The following KLHL3 variants were observed in gnomAD, a reference collection of about 807,000 sequenced individuals.
The protein encoded by KLHL3 is kelch like family member 3.
Under a neutral mutation model 70.5 loss-of-function variants are expected in KLHL3, and 19 were observed. That is an observed-to-expected ratio of 0.27 (90% CI 0.19 to 0.40). The LOEUF (loss-of-function observed/expected upper bound fraction) is 0.40, where lower values mean the gene tolerates loss of function less well. KLHL3 is among the 10% of genes least tolerant of loss of function. The probability of loss-of-function intolerance (pLI) is 1.00; values close to 1 mark genes in which losing one functional copy is unlikely to be tolerated. For synonymous variants in KLHL3, 258 were observed against 290.3 expected (o/e 0.89, Z 1.13); for missense variants, 512 against 771.1 (o/e 0.66, Z 3.98).
At chr5:137,717,180 A>G (rs540704093) in intron 2 of KLHL3, among the ~76,000 whole-genome samples, 1 of 152,346 alleles carries the variant, frequency 6.6e-6, no homozygotes, top group South Asian at 2.1e-4. Flanking sequence ...AAAGACTTAC[A>G]GCCAATTTAA....
At chr5:137,694,648 C>G (rs1752403373) in intron 4 of KLHL3, among the ~76,000 whole-genome samples, 1 of 152,228 alleles carries the variant, frequency 6.6e-6, no homozygotes, top group South Asian at 2.1e-4. Flanking sequence ...ATGACACCCC[C>G]TGGCCAGTAT....
chr5:137,625,684 C>T (rs1750440888), intron 14 of KLHL3, 69 bp downstream of exon 14: 2 of 1,578,688 alleles, frequency 1.3e-6, no homozygotes, highest in African/African-American at 2.7e-5. Context: ...TCCCACTGGC[C>T]CACCCAACCC....
chr5:137,675,345 C>T (rs925824764), intron 6 of KLHL3, among the ~76,000 whole-genome samples: 29 of 152,126 alleles, frequency 1.9e-4, no homozygotes, highest in Non-Finnish European at 3.5e-4. Flanking sequence ...AACTCAATGG[C>T]ATATTTTACC....
intron 3 of KLHL3, among the ~76,000 whole-genome samples, chr5:137,702,542 A>G (rs1226144596): frequency 1.3e-5 from 2 of 152,224 alleles, no homozygotes; most frequent in Non-Finnish European, 2.9e-5. Flanking sequence ...TGAGGGACTT[A>G]CAGGCCACGC....
intron 4 of KLHL3, chr5:137,692,693 C>G: frequency 2.2e-6 from 1 of 458,924 alleles, no homozygotes; most frequent in South Asian, 2.9e-5. Flanking sequence ...CCCTGGGGAT[C>G]TTATTAAAAT....
chr5:137,682,938 A>G (rs1162929225), intron 5 of KLHL3, among the ~76,000 whole-genome samples: 1 of 152,148 alleles, frequency 6.6e-6, no homozygotes, highest in African/African-American at 2.4e-5. Flanking sequence ...CATCTAACCT[A>G]CAAGCTCAGA....
At chr5:137,715,085 T>A (rs547133390) in intron 2 of KLHL3, among the ~76,000 whole-genome samples, 8 of 152,074 alleles carry the variant, frequency 5.3e-5, no homozygotes, top group African/African-American at 1.7e-4. Flanking sequence ...AAGTCAGGAG[T>A]AAGAGTCACT....
In KLHL3 at chr5:137,703,696, G is replaced by A. The variant is rs568434991; in HGVS notation, c.242-5288C>T. On this transcript the variant is annotated intron_variant, in intron 3 of 14. Coordinates refer to ENST00000309755, the MANE Select transcript of KLHL3 (RefSeq NM_017415.3). Reference sequence around the variant, plus strand: ...GTGTGAGAATCAAAGGAGACAATGAGATTGTGAAAGGTGGGACAGCAGGAT... The same window carrying A: ...GTGTGAGAATCAAAGGAGACAATGAAATTGTGAAAGGTGGGACAGCAGGAT... Among the ~76,000 whole-genome samples, 4 of 152,242 alleles carry A rather than the reference G, an allele frequency of 2.6e-5. No individual in the cohort carries two copies. The South Asian group carries it at 6.2e-4, about 24-fold the overall frequency.
chr5:137,633,083 A>C (rs1165966115), intron 12 of KLHL3, among the ~76,000 whole-genome samples: 1 of 152,100 alleles, frequency 6.6e-6, no homozygotes, highest in Non-Finnish European at 1.5e-5. Context: ...GATTGAGACC[A>C]TCCTGGCTAA....
intron 12 of KLHL3, 130 bp from the exon 13 acceptor site, chr5:137,628,567 A>C: frequency 1.1e-6 from 1 of 913,452 alleles, no homozygotes; most frequent in Admixed American, 2.4e-5. Flanking sequence ...GTCTCCCTGG[A>C]CCTCAGTGTC....
chr5:137,706,260 CT>C, intron 3 of KLHL3: 1 of 985,460 alleles, frequency 1.0e-6, no homozygotes, highest in East Asian at 1.1e-4. Flanking sequence ...TTTAAACACA[CT>C]GATAGAAATG....
intron 8 of KLHL3, among the ~76,000 whole-genome samples, chr5:137,646,125 G>T (rs1250219740): frequency 6.6e-6 from 1 of 151,894 alleles, no homozygotes; most frequent in Non-Finnish European, 1.5e-5. Flanking sequence ...TGGGCAAAAA[G>T]ATCTAAACAG....
chr5:137,626,046 G>T, intron 13 of KLHL3, 150 bp from the exon 14 acceptor site: 3 of 912,872 alleles, frequency 3.3e-6, no homozygotes, highest in Non-Finnish European at 4.9e-6. Context: ...GTTTGAGTTT[G>T]CTAAGTGAAA....
At chr5:137,706,303 T>A in intron 3 of KLHL3, 7 of 985,444 alleles carry the variant, frequency 7.1e-6, no homozygotes, top group Non-Finnish European at 7.2e-6. Flanking sequence ...TTACTCTCAG[T>A]ACACAATGCA....
intron 8 of KLHL3, among the ~76,000 whole-genome samples, chr5:137,645,815 A>T (rs529104773): frequency 6.6e-6 from 1 of 151,996 alleles, no homozygotes; most frequent in East Asian, 1.9e-4. Flanking sequence ...TCTAAAACTC[A>T]TATGGGAATA....
chr5:137,664,311 C>A (rs1301965550), intron 6 of KLHL3, among the ~76,000 whole-genome samples: 1 of 151,182 alleles, frequency 6.6e-6, no homozygotes, highest in African/African-American at 2.4e-5. Flanking sequence ...GAGTGTACCA[C>A]TGTACTCCAA....
intron 1 of KLHL3, among the ~76,000 whole-genome samples, chr5:137,732,891 T>A (rs1380784151): frequency 6.6e-6 from 1 of 152,214 alleles, no homozygotes. Flanking sequence ...GAAAAAAATG[T>A]GACACACTCA....
At position 137,620,379 on chromosome 5, in the gene KLHL3, G is replaced by A. The variant is rs537955157; in HGVS notation, c.*1719C>T. 17 of 152,274 alleles carry A rather than the reference G, an allele frequency of 1.1e-4. No individual in the cohort carries two copies. Among genetic ancestry groups the A allele is most frequent in the South Asian group, 2.1e-4 (1 of 4,826 alleles). The allele number at this position is 152,274 out of a possible 1,614,324, so 9.4% of individuals were successfully genotyped here. ...GTGGCTCACTGGCTGGGAAGACTTC[G>A]GGGTTTCTAACTGCAGGGGCTGGGG... On this transcript the variant is annotated 3_prime_UTR_variant, in exon 15 of 15. Transcript: ENST00000309755.
intron 6 of KLHL3, 92 bp from the exon 7 acceptor site, chr5:137,662,123 A>G: frequency 1.5e-6 from 1 of 684,202 alleles, no homozygotes; most frequent in Non-Finnish European, 2.5e-6. Flanking sequence ...AAAGAGAGAG[A>G]GAAAAAGTTA....
Sources: gnomAD v4.1 joint callset for allele counts (sites outside exome capture counted in the v4.1 genomes callset) on GRCh38, gnomAD v4.1.1 for gene constraint, MANE v1.5 for transcripts, NCBI Gene and HGNC (gene_info 2026-07-23, HGNC 2026-07-21) for gene names.